Variants in LIN7A observed in about 807,000 individuals in gnomAD.
The protein encoded by LIN7A is protein lin-7 homolog A.
Under a neutral mutation model 29.8 loss-of-function variants are expected in LIN7A, and 25 were observed. The ratio of observed to expected loss-of-function variants is 0.84; its 90% CI spans 0.61 to 1.17. The LOEUF is 1.17. Among genes scored for constraint, LIN7A ranks in the 50% most tolerant of loss-of-function variants. The pLI, the probability that LIN7A is intolerant of heterozygous loss-of-function variation, is 0.00. For missense variants in LIN7A, 239 were observed against 287.0 expected (o/e 0.83, Z 1.21); for synonymous variants, 118 against 107.5 (o/e 1.10, Z -0.60).
chr12:80,834,070 A>T (rs1359492979), intron 4 of LIN7A, among the ~76,000 whole-genome samples: 1 of 152,120 alleles, frequency 6.6e-6, no homozygotes, highest in Admixed American at 6.6e-5. Flanking sequence ...TGTTCCCTTG[A>T]CTTTCAGAGG....
chr12:80,850,220 G>A (rs978696462), intron 2 of LIN7A, among the ~76,000 whole-genome samples: 36 of 152,150 alleles, frequency 2.4e-4, no homozygotes, highest in African/African-American at 8.2e-4. Context: ...AACCGTAGCT[G>A]TACCATTTAA....
At chr12:80,812,697 G>GCC (rs2121513792) in intron 4 of LIN7A, among the ~76,000 whole-genome samples, 1 of 151,888 alleles carries the variant, frequency 6.6e-6, no homozygotes, top group East Asian at 2.0e-4. Context: ...GATTAAAGGT[G>GCC]TGCAACACCA....
chr12:80,822,485 G>C (rs555920431), intron 4 of LIN7A, among the ~76,000 whole-genome samples: 21 of 152,160 alleles, frequency 1.4e-4, no homozygotes, highest in Non-Finnish European at 2.5e-4. Context: ...TTGAACCCAG[G>C]GGGTGGAGGT....
intron 4 of LIN7A, among the ~76,000 whole-genome samples, chr12:80,829,434 G>A (rs971796259): frequency 1.2e-4 from 19 of 152,024 alleles, no homozygotes; most frequent in Admixed American, 3.3e-4. Flanking sequence ...TTTATTTGTC[G>A]GGGCCAGCAT....
chr12:80,927,184 CG>C (rs1877643506), intron 1 of LIN7A, among the ~76,000 whole-genome samples: 1 of 81,526 alleles, frequency 1.2e-5, no homozygotes, highest in African/African-American at 4.7e-5. Context: ...TTTTTTGAGA[CG>C]GAGTCTCGCT....
At chr12:80,882,602 C>T (rs924847844) in intron 2 of LIN7A, among the ~76,000 whole-genome samples, 2 of 152,082 alleles carry the variant, frequency 1.3e-5, no homozygotes, top group African/African-American at 4.8e-5. Context: ...CATTCTAATA[C>T]TTACACCTAT....
chr12:80,809,116 G>T (rs544868172), intron 5 of LIN7A, among the ~76,000 whole-genome samples: 1 of 152,056 alleles, frequency 6.6e-6, no homozygotes, highest in African/African-American at 2.4e-5. Flanking sequence ...CTCCCAAGTA[G>T]CTGGGGCTAC....
chr12:80,888,125 C>A (rs1408204627), intron 2 of LIN7A, among the ~76,000 whole-genome samples: 2 of 152,082 alleles, frequency 1.3e-5, no homozygotes, highest in Non-Finnish European at 2.9e-5. Context: ...TAGGTTAAAA[C>A]TTAGAGACGT....
intron 4 of LIN7A, among the ~76,000 whole-genome samples, chr12:80,845,369 T>G (rs1323725813): frequency 6.6e-6 from 1 of 152,204 alleles, no homozygotes; most frequent in Non-Finnish European, 1.5e-5. Context: ...TAAGGAGCTA[T>G]ATCTTTATTC....
Position 80,836,429 on chromosome 12 carries a change from G to A in LIN7A, c.483+9301C>T, listed in dbSNP as rs1449427675. Reference sequence around the variant, plus strand: ...CCCAGCACTTTGGAAGGCCAAGGCTGGTGGATTGCTCGAGCTCAGGAGTTT... The same window carrying A: ...CCCAGCACTTTGGAAGGCCAAGGCTAGTGGATTGCTCGAGCTCAGGAGTTT... On this transcript the variant is annotated intron_variant, in intron 4 of 5. Coordinates refer to ENST00000552864, the MANE Select transcript of LIN7A (RefSeq NM_004664.4). Among the ~76,000 whole-genome samples, 6 of 152,336 alleles carry A rather than the reference G, an allele frequency of 3.9e-5. No homozygotes were observed. The East Asian group carries it at 5.8e-4, about 15-fold the overall frequency.
intron 4 of LIN7A, among the ~76,000 whole-genome samples, chr12:80,813,704 A>T (rs1435155405): frequency 6.6e-6 from 1 of 152,122 alleles, no homozygotes; most frequent in Admixed American, 6.5e-5. Context: ...GGTTAGGATG[A>T]TGGAGAAGCA....
chr12:80,918,434 T>C (rs1877130522), intron 1 of LIN7A, among the ~76,000 whole-genome samples: 1 of 152,072 alleles, frequency 6.6e-6, no homozygotes, highest in African/African-American at 2.4e-5. Flanking sequence ...GTTTGGCTTA[T>C]GGGCATAATG....
At chr12:80,848,452 T>C (rs1391930163) in intron 2 of LIN7A, 130 bp from the exon 3 acceptor site, 1 of 649,632 alleles carries the variant, frequency 1.5e-6, no homozygotes, top group Non-Finnish European at 2.7e-6. Context: ...AGGTCTGATG[T>C]TTGGGAATGT....
intron 2 of LIN7A, among the ~76,000 whole-genome samples, chr12:80,875,535 C>T (rs895067183): frequency 6.6e-6 from 1 of 152,174 alleles, no homozygotes; most frequent in African/African-American, 2.4e-5. Flanking sequence ...TTACAGATCA[C>T]TTTTCAAGGG....
intron 4 of LIN7A, among the ~76,000 whole-genome samples, chr12:80,823,395 C>T (rs1174693242): frequency 6.6e-6 from 1 of 152,234 alleles, no homozygotes; most frequent in Non-Finnish European, 1.5e-5. Flanking sequence ...ACTGCAGTCC[C>T]TGGTGCCAGG....
Position 80,848,128 on chromosome 12 carries a change from G to T in LIN7A, c.273+123C>A, listed in dbSNP as rs1403771053. Reference sequence around the variant, plus strand: ...GAAGTAGTACTGGTTCTAGACTCTGGGCTGCCACTGATGTCTAAATTCTCT... The same window carrying T: ...GAAGTAGTACTGGTTCTAGACTCTGTGCTGCCACTGATGTCTAAATTCTCT... On this transcript the variant is annotated intron_variant, in intron 3 of 5. Coordinates refer to ENST00000552864, the MANE Select transcript of LIN7A (RefSeq NM_004664.4). 62 of 748,702 alleles carry T rather than the reference G, an allele frequency of 8.3e-5. No homozygotes were observed. The Admixed American group carries it at 1.2e-3, about 15-fold the overall frequency. 46.4% of individuals were successfully genotyped at this position (748,702 alleles called of 1,614,324 possible). A position where few individuals can be genotyped will look rare whatever the true frequency, so the allele number is the denominator to read the frequency against.
chr12:80,820,399 C>A (rs548466831), intron 4 of LIN7A, among the ~76,000 whole-genome samples: 68 of 152,248 alleles, frequency 4.5e-4, no homozygotes, highest in African/African-American at 1.5e-3. Context: ...GGGCAGAAAA[C>A]TGAAAACGAG....
At chr12:80,854,508 A>C (rs1306606999) in intron 2 of LIN7A, among the ~76,000 whole-genome samples, 1 of 150,722 alleles carries the variant, frequency 6.6e-6, no homozygotes, top group East Asian at 1.9e-4. Flanking sequence ...AAAAAAAAAA[A>C]GCCAGACATT....
chr12:80,803,736 T>C (rs901972268), intron 5 of LIN7A, among the ~76,000 whole-genome samples: 1 of 152,220 alleles, frequency 6.6e-6, no homozygotes, highest in East Asian at 1.9e-4. Flanking sequence ...ATTTGTGTTA[T>C]TTTAAGCTAC....
Sources: allele counts gnomAD v4.1 joint callset (sites outside exome capture counted in the v4.1 genomes callset), GRCh38; gene constraint gnomAD v4.1.1; transcripts MANE v1.5; gene names NCBI Gene and HGNC (gene_info 2026-07-23, HGNC 2026-07-21).